SHISA9: variants seen among roughly 807,000 people sequenced by gnomAD.
The protein encoded by SHISA9 is protein shisa-9.
SHISA9 carries 13 observed loss-of-function variants against 38.0 expected under a neutral mutation model. The ratio of observed to expected loss-of-function variants is 0.34; its 90% confidence interval spans 0.22 to 0.54. The LOEUF (loss-of-function observed/expected upper bound fraction) is 0.54. SHISA9 is among the 20% of genes least tolerant of loss of function. SHISA9 has a pLI of 0.91. For synonymous variants in SHISA9, 275 were observed against 242.0 expected (o/e 1.14, Z -1.27); for missense variants, 538 against 575.8 (o/e 0.93, Z 0.67).
chr16:12,926,260 C>T (rs1719467681), intron 2 of SHISA9, among the ~76,000 whole-genome samples: 1 of 152,068 alleles, frequency 6.6e-6, no homozygotes, highest in Non-Finnish European at 1.5e-5. Context: ...GGGCGATATA[C>T]CAGATTATGC....
intron 2 of SHISA9, among the ~76,000 whole-genome samples, chr16:13,039,273 G>A (rs2141886138): frequency 6.6e-6 from 1 of 152,258 alleles, no homozygotes; most frequent in African/African-American, 2.4e-5. Context: ...CACATGCAAT[G>A]TCTTATATGA....
At chr16:12,908,398 A>G in intron 1 of SHISA9, 1 of 1,532,158 alleles carries the variant, frequency 6.5e-7, no homozygotes, top group South Asian at 1.2e-5. Flanking sequence ...GGTGTTGAAA[A>G]ATCCTTGTTG....
chr16:13,555,915 G>A, the SHISA9 span, among the ~76,000 whole-genome samples: 2 of 152,180 alleles, frequency 1.3e-5, no homozygotes, highest in African/African-American at 2.4e-5. Context: ...TCCTCACTCT[G>A]CTACTCAGAT....
chr16:13,498,698 A>C, the SHISA9 span, among the ~76,000 whole-genome samples: 2 of 152,198 alleles, frequency 1.3e-5, no homozygotes, highest in Non-Finnish European at 1.5e-5. Flanking sequence ...TGGAGGTTGC[A>C]GTGAGCCAAG....
the SHISA9 span, among the ~76,000 whole-genome samples, chr16:13,409,199 A>T: frequency 1.3e-5 from 2 of 152,084 alleles, no homozygotes; most frequent in African/African-American, 4.8e-5. Flanking sequence ...ACTCCAGGGG[A>T]AGATCATCTT....
chr16:13,287,397 A>T, the SHISA9 span, among the ~76,000 whole-genome samples: 6 of 152,214 alleles, frequency 3.9e-5, no homozygotes, highest in Non-Finnish European at 7.4e-5. Flanking sequence ...TAACATGATA[A>T]TGATAATACT....
At chr16:13,430,142 C>G in the SHISA9 span, among the ~76,000 whole-genome samples, 2 of 152,140 alleles carry the variant, frequency 1.3e-5, no homozygotes, top group African/African-American at 4.8e-5. Context: ...CCTGCTGACA[C>G]CTTGATCTCA....
the SHISA9 span, among the ~76,000 whole-genome samples, chr16:13,372,323 G>A: frequency 7.9e-5 from 12 of 152,168 alleles, no homozygotes; most frequent in Non-Finnish European, 1.6e-4. Flanking sequence ...GCTAGATCAT[G>A]GGAAAATAAG....
chr16:13,014,961 A>G (rs111802943), intron 2 of SHISA9, among the ~76,000 whole-genome samples: 12 of 152,204 alleles, frequency 7.9e-5, no homozygotes, highest in African/African-American at 1.2e-4. Context: ...TCCCCACTCA[A>G]TGTCCAGCAG....
At chr16:13,455,713 G>A in the SHISA9 span, among the ~76,000 whole-genome samples, 1 of 152,180 alleles carries the variant, frequency 6.6e-6, no homozygotes. Flanking sequence ...AACGGTGCCA[G>A]GTTTGCATCT....
chr16:13,217,482 A>G (rs1386669579), intron 4 of SHISA9, among the ~76,000 whole-genome samples: 1 of 152,126 alleles, frequency 6.6e-6, no homozygotes, highest in African/African-American at 2.4e-5. Flanking sequence ...CTGCAGTGTA[A>G]TCTCTCTGCT....
chr16:13,111,344 CAA>C (rs35569425), intron 2 of SHISA9, among the ~76,000 whole-genome samples: 137 of 137,788 alleles, frequency 9.9e-4, no homozygotes, highest in South Asian at 1.6e-3. Context: ...AAACAAATTA[CAA>C]AAAAAAAAAA....
chr16:13,553,205 C>A, the SHISA9 span, among the ~76,000 whole-genome samples: 9 of 152,192 alleles, frequency 5.9e-5, no homozygotes, highest in African/African-American at 1.9e-4. Context: ...CTCTTCCCAA[C>A]AACTCCAGAA....
the SHISA9 span, chr16:13,331,634 A>G: frequency 6.6e-6 from 1 of 152,136 alleles, no homozygotes; most frequent in Non-Finnish European, 1.5e-5. Flanking sequence ...CTCCATCACA[A>G]ATATCCCCCT....
intron 2 of SHISA9, among the ~76,000 whole-genome samples, chr16:12,932,225 C>G (rs1255536479): frequency 6.6e-6 from 1 of 152,160 alleles, no homozygotes; most frequent in Non-Finnish European, 1.5e-5. Flanking sequence ...TGAGAACAGA[C>G]TAATACAAGT....
At chr16:13,388,592 T>C in the SHISA9 span, among the ~76,000 whole-genome samples, 5 of 152,142 alleles carry the variant, frequency 3.3e-5, no homozygotes, top group Non-Finnish European at 5.9e-5. Flanking sequence ...CATGAGCCAC[T>C]GTGCCTGGCC....
At chr16:13,291,548 G>T in the SHISA9 span, among the ~76,000 whole-genome samples, 3 of 152,152 alleles carry the variant, frequency 2.0e-5, no homozygotes, top group South Asian at 4.1e-4. Flanking sequence ...TTTTGTTTTT[G>T]TTTTTGTGTA....
At chr16:13,129,486 A>G (rs1415398904) in intron 2 of SHISA9, among the ~76,000 whole-genome samples, 1 of 152,194 alleles carries the variant, frequency 6.6e-6, no homozygotes, top group Non-Finnish European at 1.5e-5. Context: ...TGGGAAACAT[A>G]ACTTCTATCT....
At chr16:13,120,539 C>T (rs2074075909) in intron 2 of SHISA9, among the ~76,000 whole-genome samples, 1 of 152,096 alleles carries the variant, frequency 6.6e-6, no homozygotes, top group Non-Finnish European at 1.5e-5. Flanking sequence ...TTATGTCAAA[C>T]CAACTCTGCT....
Sources: allele counts gnomAD v4.1 joint callset (sites outside exome capture counted in the v4.1 genomes callset), GRCh38; gene constraint gnomAD v4.1.1; transcripts MANE v1.5; gene names NCBI Gene and HGNC (gene_info 2026-07-23, HGNC 2026-07-21).